The following SYNRG variants were observed in gnomAD, a reference collection of about 807,000 sequenced individuals.
SYNRG encodes the protein synergin gamma.
In SYNRG, 37 loss-of-function variants were observed where a neutral mutation model predicts 130.9. That is an observed-to-expected ratio of 0.28 (90% CI 0.22 to 0.37). SYNRG has a LOEUF of 0.37. Ranked by LOEUF, SYNRG falls within the 10% of genes least tolerant of loss-of-function variation. SYNRG has a pLI of 1.00. For missense variants in SYNRG, 1,338 were observed against 1,588.9 expected, an observed-to-expected ratio of 0.84 and a Z score of 2.68; for synonymous variants, 539 against 568.1, an observed-to-expected ratio of 0.95 and a Z score of 0.73.
chr17:37,585,217 C>G, intron 5 of SYNRG, 108 bp downstream of exon 5: 2 of 838,260 alleles, frequency 2.4e-6, no homozygotes, highest in Non-Finnish European at 3.8e-6. Flanking sequence ...GAATCAATCA[C>G]AGCCTCAGCT....
rs2054555172 is a variant in SYNRG, at chr17:37,517,960, T to C, written c.*980A>G. 1 of 152,228 alleles carries C rather than the reference T, an allele frequency of 6.6e-6. No individual in the cohort carries two copies. Among genetic ancestry groups the C allele is most frequent in the Non-Finnish European group, 1.5e-5 (1 of 68,036 alleles). The allele number at this position is 152,228 out of a possible 1,614,324, so 9.4% of individuals were successfully genotyped here. On this transcript the variant is annotated 3_prime_UTR_variant, in exon 22 of 22. Coordinates refer to ENST00000612223, the MANE Select transcript of SYNRG (RefSeq NM_007247.6). ...ATTTTCTTCTACTTCTTCTAAGTCA[T>C]GTATCTATCCCATAAATATACATCT...
At chr17:37,520,484 CAG>C in intron 20 of SYNRG, 52 bp downstream of exon 20, 6 of 1,542,176 alleles carry the variant, frequency 3.9e-6, no homozygotes, top group Non-Finnish European at 5.4e-6. Flanking sequence ...TGAGGTTGTC[CAG>C]AGTCATGTTA....
intron 3 of SYNRG, among the ~76,000 whole-genome samples, chr17:37,594,199 AT>A (rs2062488187): frequency 7.4e-6 from 1 of 134,780 alleles, no homozygotes; most frequent in Non-Finnish European, 1.6e-5. Context: ...TTTTAATTAT[AT>A]TAATTACAAT....
intron 14 of SYNRG, among the ~76,000 whole-genome samples, chr17:37,551,388 G>C (rs1002147527): frequency 1.3e-5 from 2 of 152,180 alleles, no homozygotes; most frequent in African/African-American, 4.8e-5. Context: ...AGATCAATGG[G>C]AGGAAACAAT....
chr17:37,540,004 C>T (rs973079697), intron 16 of SYNRG, among the ~76,000 whole-genome samples: 2 of 152,148 alleles, frequency 1.3e-5, no homozygotes, highest in Non-Finnish European at 2.9e-5. Context: ...AGGAACATAG[C>T]GTGGCACTAA....
intron 3 of SYNRG, among the ~76,000 whole-genome samples, chr17:37,589,766 G>C (rs1175555915): frequency 2.0e-5 from 3 of 150,896 alleles, no homozygotes; most frequent in East Asian, 2.0e-4. Flanking sequence ...AAAAAAAAAG[G>C]CTATTTATAA....
intron 19 of SYNRG, among the ~76,000 whole-genome samples, chr17:37,533,071 C>CT (rs374062769): frequency 1.3e-5 from 2 of 152,196 alleles, no homozygotes; most frequent in African/African-American, 4.8e-5. Context: ...TTAGTTTCCT[C>CT]TTTATGAGAA....
At chr17:37,545,327 C>T (rs181674793) in intron 14 of SYNRG, among the ~76,000 whole-genome samples, 3 of 152,046 alleles carry the variant, frequency 2.0e-5, no homozygotes, top group East Asian at 1.9e-4. Context: ...ATAAGGGAAT[C>T]GGAGATTGCA....
intron 3 of SYNRG, among the ~76,000 whole-genome samples, chr17:37,588,258 C>CTTTTTTTT (rs35767898): frequency 9.7e-6 from 1 of 103,206 alleles, no homozygotes; most frequent in African/African-American, 3.9e-5. Flanking sequence ...ACTTTAAATT[C>CTTTTTTTT]TTTTTTTTTT....
intron 1 of SYNRG, among the ~76,000 whole-genome samples, chr17:37,601,625 A>G (rs1483760902): frequency 6.6e-6 from 1 of 152,126 alleles, no homozygotes; most frequent in Non-Finnish European, 1.5e-5. Flanking sequence ...AGAGCGTAAG[A>G]AAGCTCTCTT....
At chr17:37,525,897 T>C (rs553235573) in intron 19 of SYNRG, among the ~76,000 whole-genome samples, 175 of 152,102 alleles carry the variant, frequency 1.2e-3, no homozygotes, top group African/African-American at 4.1e-3. Flanking sequence ...ACCCAGGAGG[T>C]GGAGGTTGAA....
rs756802425 is a variant in SYNRG at position 37,561,256 on chromosome 17, A to T, written c.1602T>A (p.Asp534Glu). The T allele has an allele frequency of 1.2e-6, 2 of 1,613,534 alleles. No individual in the cohort carries two copies. The highest frequency in any genetic ancestry group is 4.5e-5 in the East Asian group (2 of 44,858). The change falls in exon 13 of 22, where the codon GAT (aspartate) becomes GAA (glutamate). Residue 534 changes from aspartate to glutamate, a missense_variant and splice_region_variant. Asp to Glu is a conservative substitution (Grantham distance 45). This residue lies in a region of SYNRG where 1,146 missense variants were observed against 1,342.3 expected (regional missense o/e 0.85). Transcript: ENST00000612223. ...TGAAAGCACTATATTTATCACCAGG[A>T]TCTATGATAGAAAGGACAGAAGCTC... ...KSSENTVPPGDPGDKYSAFRE... is the reference protein window; with the variant it reads ...KSSENTVPPGEPGDKYSAFRE...
At chr17:37,583,939 A>T (rs2061512520) in intron 6 of SYNRG, among the ~76,000 whole-genome samples, 1 of 152,080 alleles carries the variant, frequency 6.6e-6, no homozygotes, top group Non-Finnish European at 1.5e-5. Flanking sequence ...AAGTGATCCC[A>T]CCTGCCTCGG....
intron 1 of SYNRG, among the ~76,000 whole-genome samples, chr17:37,602,292 G>A (rs2063355515): frequency 6.6e-6 from 1 of 151,290 alleles, no homozygotes. Flanking sequence ...AGCCAAGATC[G>A]CGCCATTGCA....
In SYNRG at chr17:37,593,125, A is replaced by G. The variant is rs1452067506; in HGVS notation, c.240+3098T>C. 5.3e-5 allele frequency among the ~76,000 whole-genome samples: 8 copies of G among 152,220 alleles called. No individual in the cohort carries two copies. The East Asian group carries it at 5.8e-4, about 11-fold the overall frequency. On this transcript the variant is annotated intron_variant, in intron 3 of 21. Coordinates refer to ENST00000612223, the MANE Select transcript of SYNRG (RefSeq NM_007247.6). Reference sequence around the variant, plus strand: ...AATAATATAATAATAATCAAGACTAAATTTCTGGCCGGCGCGATGGCTCAC... The same window carrying G: ...AATAATATAATAATAATCAAGACTAGATTTCTGGCCGGCGCGATGGCTCAC...
chr17:37,560,086 T>C (rs1219408004), intron 13 of SYNRG, among the ~76,000 whole-genome samples: 1 of 152,114 alleles, frequency 6.6e-6, no homozygotes, highest in Non-Finnish European at 1.5e-5. Context: ...TTTATTTTCA[T>C]TTTTTGTAGA....
At chr17:37,557,670 G>A (rs1568379518) in intron 13 of SYNRG, among the ~76,000 whole-genome samples, 1 of 152,170 alleles carries the variant, frequency 6.6e-6, no homozygotes, top group Non-Finnish European at 1.5e-5. Flanking sequence ...CTTGAGGCCA[G>A]GAGTTCAAGA....
In SYNRG at chr17:37,553,757, T is replaced by C; in HGVS notation, c.1966A>G (p.Thr656Ala). 2 of 1,612,604 alleles carry C rather than the reference T, an allele frequency of 1.2e-6. No individual in the cohort carries two copies. Among genetic ancestry groups the C allele is most frequent in the South Asian group, 2.2e-5 (2 of 90,748 alleles). Residue 656 changes from threonine (T) to alanine (A), a missense_variant, in exon 14 of 22, where the codon ACA (threonine) becomes GCA (alanine). By Grantham distance (58) the Thr-to-Ala change is moderately conservative (BLOSUM62 0). Transcript: ENST00000612223. Reference sequence around the variant, plus strand: ...GAAGTTTTTGTTGCTGCCAATGCTGTCATAGTAGCAGCAGAACCTGTTGAC... The same window carrying C: ...GAAGTTTTTGTTGCTGCCAATGCTGCCATAGTAGCAGCAGAACCTGTTGAC... ...PQSTGSAATMTALAATKTSSL... is the reference protein window; with the variant it reads ...PQSTGSAATMAALAATKTSSL...
At position 37,520,759 on chromosome 17, in the gene SYNRG, A is replaced by C. The variant is rs541462688; in HGVS notation, c.3667-111T>G. ...GCCTAGCGGCAAGTACAGTACTCTA[A>C]CACCACCACTACAAGAATTAACCTC... On this transcript the variant is annotated intron_variant, in intron 19 of 21. Transcript: ENST00000612223. The C allele has an allele frequency of 1.0e-4, 82 of 784,738 alleles. 1 individual carries two copies. The highest frequency in any genetic ancestry group is 3.0e-4 in the South Asian group (19 of 62,712). 48.6% of individuals were successfully genotyped at this position (784,738 alleles called of 1,614,324 possible). A position where few individuals can be genotyped will look rare whatever the true frequency, so the allele number is the denominator to read the frequency against.
Sources: allele counts gnomAD v4.1 joint callset (sites outside exome capture counted in the v4.1 genomes callset), GRCh38; gene constraint gnomAD v4.1.1; regional missense constraint gnomAD v4.1.1; transcripts MANE v1.5; gene names NCBI Gene and HGNC (gene_info 2026-07-23, HGNC 2026-07-21).